The following ZNF143 variants were observed in gnomAD, a reference collection of about 807,000 sequenced individuals.
The protein encoded by ZNF143 is SPH-binding factor.
ZNF143 carries 49 observed loss-of-function variants against 74.1 expected under a neutral mutation model. That is an observed-to-expected ratio of 0.66 (90% CI 0.53 to 0.84). The LOEUF is 0.84. ZNF143 is among the 40% of genes least tolerant of loss of function. The pLI, the probability that ZNF143 is intolerant of heterozygous loss-of-function variation, is 0.00. For synonymous variants in ZNF143, 304 were observed against 282.8 expected (o/e 1.07, Z -0.75); for missense variants, 637 against 793.4 (o/e 0.80, Z 2.37).
intron 14 of ZNF143, 109 bp downstream of exon 14, chr11:9,516,471 A>C: frequency 9.4e-7 from 1 of 1,058,308 alleles, no homozygotes; most frequent in Non-Finnish European, 1.3e-6. Flanking sequence ...GGGAGTGACT[A>C]ATATTTTGTA....
intron 7 of ZNF143, among the ~76,000 whole-genome samples, chr11:9,486,346 TA>T (rs1419598108): frequency 5.3e-5 from 3 of 56,250 alleles, no homozygotes; most frequent in Non-Finnish European, 1.0e-4. Context: ...TTATATTATA[TA>T]TATATTATAT....
In ZNF143 at chr11:9,512,773, A is replaced by G. The variant is rs963400940; in HGVS notation, c.1524+177A>G. On this transcript the variant is annotated intron_variant, in intron 13 of 15. Coordinates refer to ENST00000396602, the MANE Select transcript of ZNF143 (RefSeq NM_003442.6). ...CGTGCAGAGAGATTAGGAGAGAGAG[A>G]AGGTTTGTGACTGTAGAATCCGAAT... 2.0e-4 allele frequency among the ~76,000 whole-genome samples: 31 copies of G among 152,126 alleles called. 1 individual carries two copies. Among genetic ancestry groups the G allele is most frequent in the Non-Finnish European group, 3.2e-4 (22 of 68,028 alleles).
At chr11:9,468,874 C>G (rs1299908390) in intron 1 of ZNF143, among the ~76,000 whole-genome samples, 1 of 152,064 alleles carries the variant, frequency 6.6e-6, no homozygotes, top group African/African-American at 2.4e-5. Context: ...TGGCTCACAC[C>G]TGTAATCCCA....
chr11:9,489,759 G>C (rs565863287), intron 7 of ZNF143, among the ~76,000 whole-genome samples: 2 of 152,254 alleles, frequency 1.3e-5, no homozygotes, highest in African/African-American at 4.8e-5. Flanking sequence ...TAGAAAGGAG[G>C]GGAAGAGAAT....
intron 14 of ZNF143, among the ~76,000 whole-genome samples, chr11:9,523,578 C>CA (rs1251455007): frequency 6.7e-6 from 1 of 150,214 alleles, no homozygotes; most frequent in Non-Finnish European, 1.5e-5. Context: ...CTAAAAAATA[C>CA]AAAAAATTAG....
chr11:9,527,514 T>C lies in ZNF143; in HGVS notation c.1834-16T>C. 6.2e-7 allele frequency: 1 copy of C among 1,613,170 alleles called. No individual in the cohort carries two copies. Among genetic ancestry groups the C allele is most frequent in the Non-Finnish European group, 8.5e-7 (1 of 1,179,124 alleles). ...TTTTGAATTGTTAGCGTTTGATGTG[T>C]GTGTTCCTGTTTCAGCTTGGAGAAC... is the stretch of plus-strand genomic sequence containing the variant. On this transcript the variant is annotated splice_polypyrimidine_tract_variant and intron_variant, in intron 15 of 15. Transcript: ENST00000396602.
At chr11:9,471,102 A>G (rs1856539389) in intron 1 of ZNF143, 200 bp from the exon 2 acceptor site, 2 of 361,736 alleles carry the variant, frequency 5.5e-6, no homozygotes, top group East Asian at 4.7e-5. Flanking sequence ...AATTGTGCCC[A>G]TCAGTTTGAA....
rs1565074784 is a variant in ZNF143 at position 9,527,581 on chromosome 11, C to T, written c.1885C>T (p.Gln629Ter). 1 of 1,611,636 alleles carries T rather than the reference C, an allele frequency of 6.2e-7. No homozygotes were observed. Among genetic ancestry groups the T allele is most frequent in the Non-Finnish European group, 8.5e-7 (1 of 1,178,692 alleles). ...AGCCATCAGAATAGCGTCTAGAATC[C>T]AACAAGGAGAAACGCCAGGGTTGGA... The part of the protein sequence containing the change: ...EEAIRIASRI[Q>*]QGETPGLDD The change falls in exon 16 of 16, where the codon CAA (glutamine) becomes TAA (stop). Residue 629 changes from glutamine to a stop codon, truncating the protein, a stop_gained. Coordinates refer to ENST00000396602, the MANE Select transcript of ZNF143 (RefSeq NM_003442.6). LOFTEE classifies it high-confidence loss of function.
chr11:9,481,580 G>T (rs974918802), intron 7 of ZNF143, among the ~76,000 whole-genome samples: 1 of 151,926 alleles, frequency 6.6e-6, no homozygotes, highest in Non-Finnish European at 1.5e-5. Flanking sequence ...TAAAATAATA[G>T]AATATTTTAA....
chr11:9,521,955 A>T (rs1467059209), intron 14 of ZNF143, among the ~76,000 whole-genome samples: 2 of 151,582 alleles, frequency 1.3e-5, no homozygotes, highest in Non-Finnish European at 2.9e-5. Flanking sequence ...AGTCCCAGCT[A>T]CTCAGGAGGC....
At position 9,497,678 on chromosome 11, in the gene ZNF143, A is replaced by G; in HGVS notation, c.845A>G (p.Tyr282Cys). The change falls in exon 10 of 16, where the codon TAT becomes TGT. Residue 282 changes from tyrosine (Y) to cysteine (C), a missense_variant. By Grantham distance (194) the Tyr-to-Cys change is radical (BLOSUM62 -2). This residue lies in a region of ZNF143 where 344 missense variants were observed against 485.6 expected (regional missense o/e 0.71). Transcript: ENST00000396602. ...AGCGKAFATG[Y>C]GLKSHVRTHT... ...TTCTTTTAATTTTTTCTTAAAGGTT[A>G]TGGATTAAAAAGTCACGTCAGAACT... 6.3e-7 allele frequency: 1 copy of G among 1,594,350 alleles called. No homozygotes were observed. The highest frequency in any genetic ancestry group is 1.4e-5 in the African/African-American group (1 of 74,044).
At chr11:9,493,306 G>T (rs1288866703) in intron 7 of ZNF143, among the ~76,000 whole-genome samples, 1 of 152,002 alleles carries the variant, frequency 6.6e-6, no homozygotes, top group African/African-American at 2.4e-5. Flanking sequence ...TCTTGACCTT[G>T]TGACCCGCCC....
intron 11 of ZNF143, among the ~76,000 whole-genome samples, chr11:9,506,111 A>G (rs544328276): frequency 2.7e-4 from 41 of 152,186 alleles, no homozygotes; most frequent in Middle Eastern, 3.4e-3. Context: ...TGGGTGGATC[A>G]CTTGAGGTCA....
chr11:9,493,082 T>C (rs1315750327), intron 7 of ZNF143, among the ~76,000 whole-genome samples: 1 of 151,408 alleles, frequency 6.6e-6, no homozygotes, highest in Non-Finnish European at 1.5e-5. Context: ...TTTTTTTTTT[T>C]TTTTTTGAGA....
At chr11:9,518,154 C>T (rs145514563) in intron 14 of ZNF143, among the ~76,000 whole-genome samples, 2 of 152,266 alleles carry the variant, frequency 1.3e-5, no homozygotes, top group Non-Finnish European at 2.9e-5. Context: ...AGATTCATAA[C>T]TCAAAAAGTG....
chr11:9,527,010 A>G (rs540622312), intron 15 of ZNF143, among the ~76,000 whole-genome samples: 3 of 152,012 alleles, frequency 2.0e-5, no homozygotes, highest in Admixed American at 1.3e-4. Flanking sequence ...TGTATTTTTT[A>G]GTAGAAATGA....
chr11:9,477,180 C>CTTCCCTCCT (rs1190305672), intron 5 of ZNF143, among the ~76,000 whole-genome samples: 4 of 128,694 alleles, frequency 3.1e-5, no homozygotes, highest in African/African-American at 6.1e-5. Flanking sequence ...CCTCCTCTCC[C>CTTCCCTCCT]TTCCCTCCTT....
At chr11:9,495,741 C>T (rs574841609) in intron 8 of ZNF143, among the ~76,000 whole-genome samples, 10 of 152,306 alleles carry the variant, frequency 6.6e-5, no homozygotes, top group African/African-American at 1.7e-4. Context: ...ATACCTTACA[C>T]GTAAAGTACT....
chr11:9,464,268 A>G (rs1189928489), intron 1 of ZNF143, among the ~76,000 whole-genome samples: 6 of 152,142 alleles, frequency 3.9e-5, no homozygotes, highest in Admixed American at 3.3e-4. Context: ...AGTAGCTAGG[A>G]CTACAGGTGC....
Sources: gnomAD v4.1 joint callset for allele counts (sites outside exome capture counted in the v4.1 genomes callset) on GRCh38, gnomAD v4.1.1 for gene constraint, gnomAD v4.1.1 regional missense constraint, MANE v1.5 for transcripts, NCBI Gene and HGNC (gene_info 2026-07-23, HGNC 2026-07-21) for gene names.